Variants in BTBD3 observed in about 807,000 individuals in gnomAD.
BTBD3 encodes BTB domain containing 3.
A neutral mutation model predicts 41.6 loss-of-function variants in BTBD3; 14 were observed. The observed-to-expected ratio is 0.34, with a 90% CI of 0.22 to 0.53. The LOEUF (loss-of-function observed/expected upper bound fraction) is 0.53. BTBD3 is among the 20% of genes least tolerant of loss of function. The pLI, the probability that BTBD3 is intolerant of heterozygous loss-of-function variation, is 0.95. For synonymous variants in BTBD3, 249 were observed against 233.7 expected, an observed-to-expected ratio of 1.07 and a Z score of -0.60; for missense variants, 426 against 654.7, an observed-to-expected ratio of 0.65 and a Z score of 3.81.
At chr20:11,919,398 C>G in intron 2 of BTBD3, 1 of 1,407,220 alleles carries the variant, frequency 7.1e-7, no homozygotes, top group South Asian at 1.7e-5. Flanking sequence ...TCTTAACTCT[C>G]CAGACATGGG....
chr20:11,915,620 C>A (rs1285805931), upstream of BTBD3, among the ~76,000 whole-genome samples: 2 of 152,036 alleles, frequency 1.3e-5, no homozygotes, highest in African/African-American at 2.4e-5. Flanking sequence ...GTAGCAAGAA[C>A]CTGCATTACT....
chr20:11,910,462 C>T (rs1568612111), intron 1 of BTBD3: 2 of 152,092 alleles, frequency 1.3e-5, no homozygotes, highest in African/African-American at 4.8e-5. Flanking sequence ...AAGGGACCTC[C>T]TGAGCCTTGA....
At chr20:11,899,247 T>G (rs1217086452) in intron 1 of BTBD3, among the ~76,000 whole-genome samples, 1 of 152,180 alleles carries the variant, frequency 6.6e-6, no homozygotes, top group Non-Finnish European at 1.5e-5. Flanking sequence ...TGCACGTAAT[T>G]GAACCTTTTA....
chr20:11,918,001 A>T lies in BTBD3; in HGVS notation c.-275A>T. ...TCTGTGCCTGTCATCTTTGCAGTGT[A>T]GCATTTTCAGGTGATCTAGGAAACA... On this transcript the variant is annotated 5_prime_UTR_variant, in exon 1 of 4. Coordinates refer to ENST00000378226, the MANE Select transcript of BTBD3 (RefSeq NM_014962.4). 1 of 1,168,564 alleles carries T rather than the reference A, an allele frequency of 8.6e-7. No homozygotes were observed. Among genetic ancestry groups the T allele is most frequent in the Non-Finnish European group, 1.1e-6 (1 of 947,358 alleles). The allele number at this position is 1,168,564 out of a possible 1,614,324, so 72.4% of individuals were successfully genotyped here.
At chr20:11,895,086 C>G (rs1391196957) in intron 1 of BTBD3, among the ~76,000 whole-genome samples, 1 of 152,146 alleles carries the variant, frequency 6.6e-6, no homozygotes, top group South Asian at 2.1e-4. Context: ...GTTCTACCAC[C>G]ATTTGTTAAA....
At position 11,906,436 on chromosome 20, in the gene BTBD3, G is replaced by A. The variant is rs191639943; in HGVS notation, c.-125-11898G>A. Reference sequence around the variant, plus strand: ...ATGCCACCACACCTGGCTAATTTTTGTATTTGTAGTAGAGATGGGGTTTCA... The same window carrying A: ...ATGCCACCACACCTGGCTAATTTTTATATTTGTAGTAGAGATGGGGTTTCA... On this transcript the variant is annotated intron_variant, in intron 1 of 4. Transcript: ENST00000254977. 5.1e-3 allele frequency among the ~76,000 whole-genome samples: 771 copies of A among 151,212 alleles called. 5 individuals are homozygous for A. Among genetic ancestry groups the A allele is most frequent in the African/African-American group, 0.018 (736 of 41,198 alleles).
intron 1 of BTBD3, among the ~76,000 whole-genome samples, chr20:11,904,975 C>T (rs2056845092): frequency 6.6e-6 from 1 of 152,198 alleles, no homozygotes; most frequent in Non-Finnish European, 1.5e-5. Flanking sequence ...AAGGTTGGTT[C>T]ACTGAGTTAT....
intron 1 of BTBD3, among the ~76,000 whole-genome samples, chr20:11,905,880 T>C (rs1379926307): frequency 6.6e-6 from 1 of 152,206 alleles, no homozygotes; most frequent in East Asian, 1.9e-4. Context: ...AGAGATTTGG[T>C]CACTTGTTCT....
chr20:11,916,559 TAAC>T (rs994037930), upstream of BTBD3, among the ~76,000 whole-genome samples: 8 of 152,298 alleles, frequency 5.3e-5, no homozygotes, highest in Admixed American at 2.0e-4. Context: ...AGAATAATAA[TAAC>T]AACAATAAAG....
intron 1 of BTBD3, among the ~76,000 whole-genome samples, chr20:11,908,636 ATTATTT>A (rs2056870798): frequency 6.6e-6 from 1 of 151,984 alleles, no homozygotes; most frequent in Admixed American, 6.6e-5. Flanking sequence ...TAAAAAAATA[ATTATTT>A]TTATTTTAGA....
intron 1 of BTBD3, among the ~76,000 whole-genome samples, chr20:11,906,699 A>G (rs1014941763): frequency 6.6e-6 from 1 of 152,202 alleles, no homozygotes; most frequent in East Asian, 1.9e-4. Flanking sequence ...TGTAAGCAGT[A>G]TACTTTTCTA....
At chr20:11,895,195 T>C (rs902355658) in intron 1 of BTBD3, among the ~76,000 whole-genome samples, 21 of 152,206 alleles carry the variant, frequency 1.4e-4, no homozygotes, top group African/African-American at 4.8e-4. Flanking sequence ...CTTCTCTGTG[T>C]GTTGATCCTC....
intron 1 of BTBD3, among the ~76,000 whole-genome samples, chr20:11,891,856 C>G (rs535922068): frequency 9.9e-5 from 15 of 152,168 alleles, no homozygotes; most frequent in African/African-American, 3.4e-4. Context: ...AAATATTCCC[C>G]GCCACCTCGC....
intron 1 of BTBD3, among the ~76,000 whole-genome samples, chr20:11,891,611 C>A (rs2056754871): frequency 6.6e-6 from 1 of 152,126 alleles, no homozygotes; most frequent in African/African-American, 2.4e-5. Context: ...GCATTTGTGG[C>A]CCGTTTGCTC....
upstream of BTBD3, among the ~76,000 whole-genome samples, chr20:11,915,965 T>C (rs1475986959): frequency 6.6e-6 from 1 of 152,218 alleles, no homozygotes; most frequent in African/African-American, 2.4e-5. Flanking sequence ...TTCTTGGTGA[T>C]GGGTATTGAG....
At chr20:11,912,124 T>C (rs540906057) in intron 1 of BTBD3, among the ~76,000 whole-genome samples, 1 of 152,270 alleles carries the variant, frequency 6.6e-6, no homozygotes, top group South Asian at 2.1e-4. Context: ...CCTTATACTG[T>C]GGACAGCACT....
chr20:11,916,326 A>G (rs1257275039), upstream of BTBD3, among the ~76,000 whole-genome samples: 3 of 152,176 alleles, frequency 2.0e-5, no homozygotes, highest in African/African-American at 7.2e-5. Flanking sequence ...TTTCTTCATG[A>G]CTTTCTCTAT....
chr20:11,917,843 G>A (rs1284716895), upstream of BTBD3: 3 of 882,224 alleles, frequency 3.4e-6, no homozygotes, highest in Non-Finnish European at 4.1e-6. Flanking sequence ...AGCACTGGCT[G>A]TCTGACTCCA....
chr20:11,923,585 C>G lies in BTBD3; in HGVS notation c.1488C>G (p.Val496=), dbSNP rs775945345. 8.1e-6 allele frequency: 13 copies of G among 1,614,086 alleles called. No homozygotes were observed. The highest frequency in any genetic ancestry group is 9.3e-6 in the Non-Finnish European group (11 of 1,180,000). ...MTEVQCGKVT[V]QFQCSSDSTN... ...AAGTTCAGTGTGGCAAAGTGACTGT[C>G]CAGTTTCAGTGCTCCTCAGATAGCA... Residue 496 remains valine (V), a synonymous_variant, in exon 4 of 4, where the codon GTC becomes GTG. Transcript: ENST00000378226. The surrounding 1 kb of genome is among the most constrained non-coding windows in gnomAD (Gnocchi z 5.3).
Sources: allele counts gnomAD v4.1 joint callset (sites outside exome capture counted in the v4.1 genomes callset), GRCh38; gene constraint gnomAD v4.1.1; non-coding constraint Gnocchi (gnomAD v3.1); transcripts MANE v1.5; gene names NCBI Gene and HGNC (gene_info 2026-07-23, HGNC 2026-07-21).